PTPRJ: variants seen among roughly 807,000 people sequenced by gnomAD.
PTPRJ encodes protein tyrosine phosphatase receptor type J, also known as receptor-type tyrosine-protein phosphatase eta.
PTPRJ carries 129 observed loss-of-function variants against 141.3 expected under a neutral mutation model. The observed-to-expected ratio is 0.91, with a 90% CI of 0.79 to 1.06. The LOEUF (loss-of-function observed/expected upper bound fraction) is 1.06. Ranked by LOEUF, PTPRJ falls within the 50% of genes least tolerant of loss-of-function variation. The pLI, the probability that PTPRJ is intolerant of heterozygous loss-of-function variation, is 0.00. For missense variants in PTPRJ, 1,601 were observed against 1,679.7 expected, an observed-to-expected ratio of 0.95 and a Z score of 0.82; for synonymous variants, 610 against 640.5, an observed-to-expected ratio of 0.95 and a Z score of 0.72.
intron 1 of PTPRJ, among the ~76,000 whole-genome samples, chr11:48,076,785 C>CA (rs754092531): frequency 0.02 from 1,818 of 92,140 alleles, 53 homozygotes; most frequent in Admixed American, 0.084. Flanking sequence ...AGTGAAGTTC[C>CA]AAAAAAAAAA....
intron 5 of PTPRJ, among the ~76,000 whole-genome samples, chr11:48,124,234 A>T (rs1218176430): frequency 6.6e-6 from 1 of 152,208 alleles, no homozygotes; most frequent in Non-Finnish European, 1.5e-5. Flanking sequence ...TGCAGGTTTC[A>T]TAGCATTTGC....
intron 1 of PTPRJ, among the ~76,000 whole-genome samples, chr11:48,052,880 C>G (rs1367715995): frequency 6.6e-6 from 1 of 151,436 alleles, no homozygotes; most frequent in Non-Finnish European, 1.5e-5. Flanking sequence ...CACCACCTCA[C>G]TATGCAGTAC....
chr11:48,148,882 A>G (rs1183524890), intron 15 of PTPRJ, among the ~76,000 whole-genome samples: 3 of 152,082 alleles, frequency 2.0e-5, no homozygotes, highest in African/African-American at 7.2e-5. Context: ...CACATTCACG[A>G]TTATTTCCTT....
At chr11:48,045,802 G>C (rs539192362) in intron 1 of PTPRJ, among the ~76,000 whole-genome samples, 1 of 152,334 alleles carries the variant, frequency 6.6e-6, no homozygotes, top group East Asian at 1.9e-4. Context: ...TGCCAGTGGG[G>C]TGAGGGCCTG....
Sources: gnomAD v4.1 joint callset for allele counts (sites outside exome capture counted in the v4.1 genomes callset) on GRCh38, gnomAD v4.1.1 for gene constraint, MANE v1.5 for transcripts, NCBI Gene and HGNC (gene_info 2026-07-23, HGNC 2026-07-21) for gene names.